The following C4orf33 variants were observed in gnomAD, a reference collection of about 807,000 sequenced individuals.
The protein encoded by C4orf33 is chromosome 4 open reading frame 33, also known as UPF0462 protein C4orf33.
C4orf33 carries 20 observed loss-of-function variants against 24.3 expected under a neutral mutation model. The ratio of observed to expected loss-of-function variants is 0.82; its 90% CI spans 0.58 to 1.19. C4orf33 has a LOEUF of 1.19. Ranked by LOEUF, C4orf33 falls within the 50% of genes most tolerant of loss-of-function variation. The pLI is 0.00. For missense variants in C4orf33, 207 were observed against 225.9 expected (o/e 0.92, Z 0.54); for synonymous variants, 67 against 76.4 (o/e 0.88, Z 0.64).
At chr4:129,095,392 G>C (rs1436442575), upstream of C4orf33, among the ~76,000 whole-genome samples, 3 of 152,138 alleles carry the variant, frequency 2.0e-5, no homozygotes, top group Admixed American at 6.5e-5. Context: ...CTGGAACACA[G>C]AGTTGATTAA....
chr4:129,107,768 AT>A lies in C4orf33; in HGVS notation c.242+1123del, dbSNP rs776044977. Among the ~76,000 whole-genome samples the A allele has an allele frequency of 1.1e-4, 17 of 152,190 alleles. No homozygotes were observed. In the Middle Eastern group the frequency reaches 0.01, roughly 91 times the overall value. Reference sequence around the variant, plus strand: ...TACAGGTGAGAAAACTAAGGCAAACATTCATAATTTGTCTAGAGAACAGTAA... The same window carrying A: ...TACAGGTGAGAAAACTAAGGCAAACATCATAATTTGTCTAGAGAACAGTAA... On this transcript the variant is annotated intron_variant, in intron 3 of 5. Transcript: ENST00000425929.
At chr4:129,108,158 A>G (rs1269636612) in intron 3 of C4orf33, among the ~76,000 whole-genome samples, 1 of 152,176 alleles carries the variant, frequency 6.6e-6, no homozygotes, top group Non-Finnish European at 1.5e-5. Flanking sequence ...TAACAATAAA[A>G]ATAATCAGAA....
chr4:129,102,684 C>T lies in C4orf33; in HGVS notation c.74C>T (p.Pro25Leu). The T allele has an allele frequency of 6.2e-7, 1 of 1,614,094 alleles. No individual in the cohort carries two copies. Among genetic ancestry groups the T allele is most frequent in the Non-Finnish European group, 8.5e-7 (1 of 1,179,968 alleles). ...KHEPVFIRLN[P>L]GDRGVMMDIS... is the part of the protein sequence containing the mutation. ...GAGCCCGTATTTATCAGGCTGAATC[C>T]AGGTGACAGAGGAGTGATGATGGAC... The change falls in exon 2 of 6, where the codon CCA (proline) becomes CTA (leucine). Residue 25 changes from proline (P) to leucine (L), a missense_variant. Physicochemically the swap from Pro to Leu is moderately conservative, Grantham distance 98 (BLOSUM62 -3). Transcript: ENST00000425929.
rs1356585865 is a variant in C4orf33, at chr4:129,114,336, A to G, written c.*2545A>G. The G allele has an allele frequency of 6.6e-6, 1 of 152,170 alleles. No homozygotes were observed. The highest frequency in any genetic ancestry group is 2.4e-5 in the African/African-American group (1 of 41,438). The allele number at this position is 152,170 out of a possible 1,614,324, so 9.4% of individuals were successfully genotyped here. On this transcript the variant is annotated 3_prime_UTR_variant, in exon 6 of 6. Coordinates refer to ENST00000425929, the MANE Select transcript of C4orf33 (RefSeq NM_001099783.2). The stretch of plus-strand genomic sequence containing the variant: ...GTTACATCCCTCAGTTTAACAATTT[A>G]TGGTCCCTTCCACACAGCTCCTCAG...
chr4:129,102,456 A>T, intron 1 of C4orf33, 146 bp from the exon 2 acceptor site: 1 of 542,616 alleles, frequency 1.8e-6, no homozygotes. Flanking sequence ...ACAACACAAG[A>T]TAGCCTTTTG....
chr4:129,093,731 G>A (rs1454962527), upstream of C4orf33: 1 of 153,124 alleles, frequency 6.5e-6, no homozygotes, highest in Non-Finnish European at 1.5e-5. Flanking sequence ...CTGAGCCACC[G>A]GCTTGGCGCG....
At chr4:129,097,325 A>G (rs1184238402) in intron 1 of C4orf33, among the ~76,000 whole-genome samples, 1 of 152,236 alleles carries the variant, frequency 6.6e-6, no homozygotes. Flanking sequence ...CCTCCTTCCC[A>G]TATCTGCAGG....
At chr4:129,098,508 A>G (rs1756011) in intron 1 of C4orf33, among the ~76,000 whole-genome samples, 82,045 of 152,138 alleles carry the variant, frequency 0.54, 24,672 homozygotes, top group South Asian at 0.68. Context: ...TATGTAGTAA[A>G]ATGTTTGGGT....
chr4:129,106,696 G>A lies in C4orf33; in HGVS notation c.242+49G>A, dbSNP rs75330819. 1,831 of 974,330 alleles carry A rather than the reference G, an allele frequency of 1.9e-3. 25 individuals carry two copies. In the African/African-American group the frequency reaches 0.028, roughly 15 times the overall value. The allele number at this position is 974,330 out of a possible 1,614,324, so 60.4% of individuals were successfully genotyped here. On this transcript the variant is annotated intron_variant, in intron 3 of 5. Coordinates refer to ENST00000425929, the MANE Select transcript of C4orf33 (RefSeq NM_001099783.2). The stretch of plus-strand genomic sequence containing the variant: ...ACTTATTACTACATAATTTGAACGT[G>A]TTATTTTCTAGTTATAAATGATATA...
intron 2 of C4orf33, among the ~76,000 whole-genome samples, chr4:129,105,790 T>C (rs542239147): frequency 1.3e-5 from 2 of 152,148 alleles, no homozygotes; most frequent in Non-Finnish European, 2.9e-5. Context: ...ACAAGAAAGA[T>C]GTATATGTTC....
intron 2 of C4orf33, among the ~76,000 whole-genome samples, chr4:129,106,334 A>G (rs1258636020): frequency 3.3e-5 from 5 of 152,108 alleles, no homozygotes; most frequent in Non-Finnish European, 2.9e-5. Context: ...TAATTTCTTT[A>G]CAACCTGACC....
chr4:129,109,459 T>C lies in C4orf33; in HGVS notation c.295-14T>C. On this transcript the variant is annotated splice_polypyrimidine_tract_variant and intron_variant, in intron 4 of 5. Coordinates refer to ENST00000425929, the MANE Select transcript of C4orf33 (RefSeq NM_001099783.2). ...CCAATTTTATCTTTTGTGTTTCACA[T>C]GTTGTTTCTGTAGCAAGAACTTCCT... is the stretch of plus-strand genomic sequence containing the variant. The C allele has an allele frequency of 6.2e-7, 1 of 1,609,898 alleles. No homozygotes were observed. The highest frequency in any genetic ancestry group is 1.1e-5 in the South Asian group (1 of 90,982).
At chr4:129,098,812 C>G (rs867241880) in intron 1 of C4orf33, among the ~76,000 whole-genome samples, 1 of 152,164 alleles carries the variant, frequency 6.6e-6, no homozygotes, top group East Asian at 1.9e-4. Context: ...CTGAGAGTTC[C>G]TCCCTTTTTT....
chr4:129,104,382 A>G (rs1027661599), intron 2 of C4orf33, among the ~76,000 whole-genome samples: 2 of 152,184 alleles, frequency 1.3e-5, no homozygotes, highest in Non-Finnish European at 1.5e-5. Flanking sequence ...CTGGACTGCT[A>G]TATCTAAAAT....
chr4:129,115,831 A>ACATATATATATAT lies in C4orf33; in HGVS notation c.*4040_*4041insCATATATATATAT, dbSNP rs1561095059. 1 of 43,734 alleles carries ACATATATATATAT rather than the reference A, an allele frequency of 2.3e-5. No individual in the cohort carries two copies. The highest frequency in any genetic ancestry group is 5.8e-5 in the African/African-American group (1 of 17,208). 2.7% of individuals were successfully genotyped at this position (43,734 alleles called of 1,614,324 possible). ...ATATATATATATATATATATATATA[A>ACATATATATATAT]AATATATATGTTTATATATAACATA... On this transcript the variant is annotated 3_prime_UTR_variant, in exon 6 of 6. Coordinates refer to ENST00000425929, the MANE Select transcript of C4orf33 (RefSeq NM_001099783.2).
intron 3 of C4orf33, among the ~76,000 whole-genome samples, chr4:129,107,699 T>C (rs1214678950): frequency 6.6e-6 from 1 of 152,022 alleles, no homozygotes; most frequent in Admixed American, 6.5e-5. Context: ...TAAACTGCCA[T>C]GAGAAGTAAG....
rs142694668 is a variant in C4orf33, at chr4:129,100,395, C to T, written c.-9-2207C>T. Among the ~76,000 whole-genome samples, 33 of 151,194 alleles carry T rather than the reference C, an allele frequency of 2.2e-4. No homozygotes were observed. The East Asian group carries it at 5.1e-3, about 23-fold the overall frequency. On this transcript the variant is annotated intron_variant, in intron 1 of 5. Transcript: ENST00000425929. ...AGTGCATTTTATGTGTGGCCCAAGA[C>T]ACACATTCTTCTTCTTCCAATGTGG...
intron 2 of C4orf33, 103 bp downstream of exon 2, chr4:129,102,894 G>A: frequency 2.0e-6 from 2 of 1,003,762 alleles, no homozygotes; most frequent in African/African-American, 1.6e-5. Context: ...GTGCTTCTGA[G>A]CAATTGACAT....
intron 3 of C4orf33, 60 bp downstream of exon 3, chr4:129,106,707 G>C: frequency 1.1e-6 from 1 of 886,246 alleles, no homozygotes; most frequent in South Asian, 1.6e-5. Flanking sequence ...TTATTTTCTA[G>C]TTATAAATGA....
Sources: gnomAD v4.1 joint callset for allele counts (sites outside exome capture counted in the v4.1 genomes callset) on GRCh38, gnomAD v4.1.1 for gene constraint, MANE v1.5 for transcripts, NCBI Gene and HGNC (gene_info 2026-07-23, HGNC 2026-07-21) for gene names.